Variants in DEF8 observed in about 807,000 individuals in gnomAD.
DEF8 encodes differentially expressed in FDCP 8 homolog, also known as DEF-8.
Under a neutral mutation model 59.1 loss-of-function variants are expected in DEF8, and 38 were observed. The ratio of observed to expected loss-of-function variants is 0.64; its 90% CI spans 0.50 to 0.84. DEF8 has a LOEUF of 0.84. DEF8 is among the 40% of genes least tolerant of loss of function. DEF8 has a pLI of 0.00. For synonymous variants in DEF8, 265 were observed against 250.1 expected, an observed-to-expected ratio of 1.06 and a Z score of -0.56; for missense variants, 557 against 615.2, an observed-to-expected ratio of 0.91 and a Z score of 1.00.
rs1031766690 is a variant in DEF8, at chr16:89,967,967, A to C, written c.*2004A>C. On this transcript the variant is annotated 3_prime_UTR_variant, in exon 13 of 13. Transcript: ENST00000563594. ...GCCAGCACCTTGTGGAAGACCACAC[A>C]TGGGTGGTCCCACAGCATGGGACCA... 6.6e-6 allele frequency: 1 copy of C among 152,566 alleles called. No individual in the cohort carries two copies. Among genetic ancestry groups the C allele is most frequent in the Non-Finnish European group, 1.5e-5 (1 of 68,278 alleles). 9.5% of individuals were successfully genotyped at this position (152,566 alleles called of 1,614,324 possible).
chr16:89,952,831 C>G (rs925428179), intron 2 of DEF8: 4 of 152,334 alleles, frequency 2.6e-5, no homozygotes, highest in African/African-American at 4.8e-5. Context: ...TCCTGCCCCA[C>G]AGGCACAACA....
chr16:89,960,280 G>A (rs976713446), intron 6 of DEF8, among the ~76,000 whole-genome samples: 10 of 152,182 alleles, frequency 6.6e-5, no homozygotes, highest in Admixed American at 2.6e-4. Flanking sequence ...TTGGGCTGGG[G>A]TAGGTGGTGG....
At chr16:89,962,352 A>C (rs562126708) in intron 9 of DEF8, among the ~76,000 whole-genome samples, 1 of 152,338 alleles carries the variant, frequency 6.6e-6, no homozygotes, top group African/African-American at 2.4e-5. Flanking sequence ...TAAATTTTGT[A>C]ATAGCCACGT....
In DEF8 at chr16:89,964,459, C is replaced by T. The variant is rs1262684543; in HGVS notation, c.1144-7C>T. ...CCCGTGCCCCAACCCCACACTGTTCCCCCCAGCGGTGCCAGGCCAAGGGCT... is the reference window on the plus strand; with the variant it reads ...CCCGTGCCCCAACCCCACACTGTTCTCCCCAGCGGTGCCAGGCCAAGGGCT... On this transcript the variant is annotated splice_region_variant and splice_polypyrimidine_tract_variant and intron_variant, in intron 11 of 12. Coordinates refer to ENST00000563594, the MANE Select transcript of DEF8 (RefSeq NM_001242818.2). 2.5e-6 allele frequency: 4 copies of T among 1,582,492 alleles called. No homozygotes were observed. In the South Asian group the frequency reaches 4.6e-5, roughly 18 times the overall value.
chr16:89,963,989 G>A (rs769290432), intron 10 of DEF8, 181 bp from the exon 11 acceptor site: 1 of 796,850 alleles, frequency 1.3e-6, no homozygotes. Context: ...AGGAAACGTG[G>A]CCCGGGTCCA....
intron 8 of DEF8, 67 bp downstream of exon 8, chr16:89,961,931 CCGGT>C: frequency 6.3e-7 from 1 of 1,599,676 alleles, no homozygotes; most frequent in Non-Finnish European, 8.6e-7. Flanking sequence ...GGGTGTGGAG[CCGGT>C]GTACCCCTGG....
chr16:89,964,207 T>G lies in DEF8; in HGVS notation c.1040T>G (p.Met347Arg), dbSNP rs1430385262. 2.5e-6 allele frequency: 4 copies of G among 1,613,610 alleles called. No individual in the cohort carries two copies. Among genetic ancestry groups the G allele is most frequent in the Non-Finnish European group, 3.4e-6 (4 of 1,179,850 alleles). The stretch of plus-strand genomic sequence containing the variant: ...CAGCATTTTGTGGAGAACGACGAGA[T>G]GTACTCTGTCCAGGACCTCCTGGAC... ...DRQHFVENDE[M>R]YSVQDLLDVH... is the part of the protein sequence containing the mutation. Residue 347 changes from methionine (M) to arginine (R), a missense_variant, in exon 11 of 13, where the codon ATG becomes AGG. Transcript: ENST00000563594.
chr16:89,965,798 G>A lies in DEF8; in HGVS notation c.1254-63G>A, dbSNP rs894604971. On this transcript the variant is annotated intron_variant, in intron 12 of 12. Transcript: ENST00000563594. ...GGGATGATAGGAGCTGACCTAGGAC[G>A]CTTGGGGGGATTCAGTGCTGGAGTT... The A allele has an allele frequency of 3.4e-5, 38 of 1,115,200 alleles. No individual in the cohort carries two copies. The African/African-American group carries it at 5.5e-4, about 16-fold the overall frequency. 69.1% of individuals were successfully genotyped at this position (1,115,200 alleles called of 1,614,324 possible).
In DEF8 at chr16:89,948,787, C is replaced by A; in HGVS notation, c.-135C>A. The A allele has an allele frequency of 1.0e-6, 1 of 980,276 alleles. No homozygotes were observed. Among genetic ancestry groups the A allele is most frequent in the South Asian group, 4.6e-5 (1 of 21,812 alleles). 60.7% of individuals were successfully genotyped at this position (980,276 alleles called of 1,614,324 possible). On this transcript the variant is annotated 5_prime_UTR_variant, in exon 1 of 13. Transcript: ENST00000563594. ...GGCGGCCGGGCGGATCCAGCGCAGC[C>A]GGGAGACAGATGCGAGGCGGCGGTC...
At position 89,964,480 on chromosome 16, in the gene DEF8, G is replaced by T; in HGVS notation, c.1158G>T (p.Lys386Asn). Reference protein sequence around the residue: ...IKLDCERCQAKGFVCELCREG... With the variant: ...IKLDCERCQANGFVCELCREG... ...GTTCCCCCCAGCGGTGCCAGGCCAA[G>T]GGCTTCGTGTGTGAGCTCTGCAGAG... The change falls in exon 12 of 13, where the codon AAG becomes AAT. Residue 386 changes from lysine to asparagine, a missense_variant. By Grantham distance (94) the Lys-to-Asn change is moderately conservative. Transcript: ENST00000563594. 8 of 1,594,338 alleles carry T rather than the reference G, an allele frequency of 5.0e-6. No homozygotes were observed. The highest frequency in any genetic ancestry group is 6.8e-6 in the Non-Finnish European group (8 of 1,170,856).
intron 5 of DEF8, 114 bp downstream of exon 5, chr16:89,957,774 C>T: frequency 7.7e-7 from 1 of 1,303,458 alleles, no homozygotes; most frequent in Non-Finnish European, 1.0e-6. Flanking sequence ...TCTCTCTCGG[C>T]CTCAGGGGCT....
At chr16:89,956,619 C>T (rs541905982) in intron 4 of DEF8, 1 of 152,152 alleles carries the variant, frequency 6.6e-6, no homozygotes, top group South Asian at 2.1e-4. Context: ...GATCCTCCCA[C>T]CTCAGCTTCC....
chr16:89,961,591 A>G (rs2034031139), intron 7 of DEF8, 146 bp from the exon 8 acceptor site: 2 of 958,030 alleles, frequency 2.1e-6, no homozygotes, highest in Non-Finnish European at 3.2e-6. Context: ...AGACGCTGGG[A>G]CCACCTGAGG....
At chr16:89,959,444 G>C (rs934319293) in intron 6 of DEF8, 3 of 983,830 alleles carry the variant, frequency 3.0e-6, no homozygotes, top group Non-Finnish European at 4.2e-6. Flanking sequence ...GTGACTTTAG[G>C]GCAGAATGTA....
chr16:89,966,290 G>C lies in DEF8; in HGVS notation c.*327G>C. On this transcript the variant is annotated 3_prime_UTR_variant, in exon 13 of 13. Transcript: ENST00000563594. The stretch of plus-strand genomic sequence containing the variant: ...ATGGCACAGAGCCCTCCACACCCCT[G>C]GACCAGGGCATCCGGGCCCTAGAAA... 1 of 219,416 alleles carries C rather than the reference G, an allele frequency of 4.6e-6. No homozygotes were observed. The highest frequency in any genetic ancestry group is 9.3e-6 in the Non-Finnish European group (1 of 107,352). The allele number at this position is 219,416 out of a possible 1,614,324, so 13.6% of individuals were successfully genotyped here. A position where few individuals can be genotyped will look rare whatever the true frequency, so the allele number is the denominator to read the frequency against.
At position 89,954,411 on chromosome 16, in the gene DEF8, C is replaced by CAGGT; in HGVS notation, c.124+36_124+39dup. ...GGTGGGAGTCAGGGTGGGAGCTGGG[C>CAGGT]AGGTCTCTGACTGCTTACGTGGACC... On this transcript the variant is annotated intron_variant, in intron 3 of 12. Transcript: ENST00000563594. This position sits in a 1 kb window ranked among gnomAD's most constrained non-coding sequence, Gnocchi z 4.3. 1 of 1,606,144 alleles carries CAGGT rather than the reference C, an allele frequency of 6.2e-7. No homozygotes were observed. Among genetic ancestry groups the CAGGT allele is most frequent in the East Asian group, 2.2e-5 (1 of 44,786 alleles).
Position 89,959,042 on chromosome 16 carries a change from G to A in DEF8, c.401G>A (p.Arg134Gln), listed in dbSNP as rs200603090. ...KDPNEDEPNI[R>Q]VLLEHRFYKE... is the part of the protein sequence containing the mutation. The stretch of plus-strand genomic sequence containing the variant: ...CCCAATGAGGATGAGCCAAACATCC[G>A]AGTGCTCCTTGAGCACCGCTTTTAC... Residue 134 changes from arginine to glutamine, a missense_variant, in exon 6 of 13, where the codon CGA becomes CAA. Arg to Gln is a conservative substitution (Grantham distance 43, BLOSUM62 1). Transcript: ENST00000563594. The A allele has an allele frequency of 1.2e-4, 193 of 1,612,968 alleles. No homozygotes were observed. Among genetic ancestry groups the A allele is most frequent in the Non-Finnish European group, 1.5e-4 (177 of 1,180,018 alleles).
Position 89,957,587 on chromosome 16 carries a change from C to A in DEF8, c.299C>A (p.Pro100His). Residue 100 changes from proline to histidine, a missense_variant, in exon 5 of 13, where the codon CCC becomes CAC. Coordinates refer to ENST00000563594, the MANE Select transcript of DEF8 (RefSeq NM_001242818.2). ...EECKQVILEL[P>H]EQSEKQKDAV... ...TGCAAGCAGGTGATTCTGGAGCTGC[C>A]CGAGCAGTCGGAGAAGCAGAAGGAT... 1 of 1,587,548 alleles carries A rather than the reference C, an allele frequency of 6.3e-7. No homozygotes were observed. The highest frequency in any genetic ancestry group is 8.6e-7 in the Non-Finnish European group (1 of 1,167,570).
At chr16:89,951,533 C>T (rs2032080253) in intron 2 of DEF8, among the ~76,000 whole-genome samples, 1 of 152,192 alleles carries the variant, frequency 6.6e-6, no homozygotes, top group South Asian at 2.1e-4. Context: ...GCGTGAGCCA[C>T]CGAGCTGGGT....
Sources: allele counts gnomAD v4.1 joint callset (sites outside exome capture counted in the v4.1 genomes callset), GRCh38; gene constraint gnomAD v4.1.1; non-coding constraint Gnocchi (gnomAD v3.1); transcripts MANE v1.5; gene names NCBI Gene and HGNC (gene_info 2026-07-23, HGNC 2026-07-21).